Variants in SCRIB observed in about 807,000 individuals in gnomAD.
SCRIB encodes protein scribble homolog.
Under a neutral mutation model 170.0 loss-of-function variants are expected in SCRIB, and 72 were observed. The observed-to-expected ratio is 0.42, with a 90% CI of 0.35 to 0.52. SCRIB has a LOEUF of 0.52. Ranked by LOEUF, SCRIB falls within the 20% of genes least tolerant of loss-of-function variation. The pLI is 0.02. For missense variants in SCRIB, 2,475 were observed against 2,338.5 expected (o/e 1.06, Z -1.20); for synonymous variants, 1,298 against 1,044.3 (o/e 1.24, Z -4.68).
chr8:143,795,543 G>T lies in SCRIB; in HGVS notation c.3604-13C>A, dbSNP rs782297965. The T allele has an allele frequency of 1.2e-6, 2 of 1,603,034 alleles. No individual in the cohort carries two copies. The highest frequency in any genetic ancestry group is 1.1e-5 in the South Asian group (1 of 89,742). On this transcript the variant is annotated splice_polypyrimidine_tract_variant and intron_variant, in intron 24 of 36. Coordinates refer to ENST00000356994, the MANE Select transcript of SCRIB (RefSeq NM_182706.5). The stretch of plus-strand genomic sequence containing the variant: ...CACCTGGGGACACCTGAGAAGAGGG[G>T]TGTGGGCTAAGAAGGGGGGACTGCA...
chr8:143,803,685 G>T lies in SCRIB; in HGVS notation c.3376C>A (p.Pro1126Thr). The T allele has an allele frequency of 6.3e-7, 1 of 1,579,146 alleles. No homozygotes were observed. Residue 1126 changes from proline to threonine, a missense_variant, in exon 23 of 37, where the codon CCC becomes ACC. Coordinates refer to ENST00000356994, the MANE Select transcript of SCRIB (RefSeq NM_182706.5). Reference protein sequence around the residue: ...RGGARGHAGNPRDPTDEGIFI... With the variant: ...RGGARGHAGNTRDPTDEGIFI... The stretch of plus-strand genomic sequence containing the variant: ...ATGCCCTCGTCTGTGGGGTCGCGGG[G>T]GTTGCCAGCGTGGCCCCTGGCACCC...
chr8:143,797,740 C>T (rs1554634306), intron 24 of SCRIB, among the ~76,000 whole-genome samples: 1 of 152,228 alleles, frequency 6.6e-6, no homozygotes, highest in Non-Finnish European at 1.5e-5. Context: ...CCAGCAGAAG[C>T]GTCAAGGTCA....
At chr8:143,800,967 T>C (rs1455479926) in intron 24 of SCRIB, among the ~76,000 whole-genome samples, 1 of 1,600 alleles carries the variant, frequency 6.3e-4, no homozygotes, top group African/African-American at 1.7e-3. Context: ...AGAAAACACA[T>C]TGACAATAGA....
At position 143,812,203 on chromosome 8, in the gene SCRIB, G is replaced by A. The variant is rs558207698; in HGVS notation, c.906+63C>T. On this transcript the variant is annotated intron_variant, in intron 9 of 36. Coordinates refer to ENST00000356994, the MANE Select transcript of SCRIB (RefSeq NM_182706.5). ...CCCCCAGCAGCAGACACAGGCTGAT[G>A]CCCTGTCCTTGTTCTGCACCCCCGA... 164 of 1,062,434 alleles carry A rather than the reference G, an allele frequency of 1.5e-4. 3 individuals carry two copies. Among genetic ancestry groups the A allele is most frequent in the South Asian group, 1.5e-3 (118 of 80,224 alleles). The allele number at this position is 1,062,434 out of a possible 1,614,324, so 65.8% of individuals were successfully genotyped here.
chr8:143,793,002 G>A lies in SCRIB; in HGVS notation c.3991C>T (p.His1331Tyr), dbSNP rs1201683237. 2.6e-6 allele frequency: 4 copies of A among 1,515,548 alleles called. No homozygotes were observed. Among genetic ancestry groups the A allele is most frequent in the Middle Eastern group, 1.7e-4 (1 of 5,834 alleles). 93.9% of individuals were successfully genotyped at this position (1,515,548 alleles called of 1,614,324 possible). A position where few individuals can be genotyped will look rare whatever the true frequency, so the allele number is the denominator to read the frequency against. Residue 1331 changes from histidine to tyrosine, a missense_variant, in exon 29 of 37, where the codon CAC becomes TAC. Around this residue, in one of 3 missense-constraint regions of SCRIB, gnomAD observed 1,966 missense variants for 1,742.9 expected, o/e 1.13. Coordinates refer to ENST00000356994, the MANE Select transcript of SCRIB (RefSeq NM_182706.5). ...TGGGCAGGGGCATCCTCAGGCGGGT[G>A]AGAAGTGGGCACGGCCGCGAAGGCC... ...YRAFAAVPTS[H>Y]PPEDAPAQPP...
Position 143,805,349 on chromosome 8 carries a change from C to T in SCRIB, c.2433G>A (p.Val811=), listed in dbSNP as rs1009074850. The change falls in exon 19 of 37, where the codon GTG becomes GTA. Residue 811 remains valine, a synonymous_variant. Transcript: ENST00000356994. ...RGAGTAVQMR[V]WRERMVEPEN... ...CAGGCTCCACCATGCGCTCCCGCCA[C>T]ACTCGCATCTGCACGGCAGTGCCGG... is the stretch of plus-strand genomic sequence containing the variant. The T allele has an allele frequency of 1.3e-6, 2 of 1,551,828 alleles. No homozygotes were observed. The highest frequency in any genetic ancestry group is 1.2e-5 in the South Asian group (1 of 85,362).
rs782735344 is a variant in SCRIB at position 143,791,733 on chromosome 8, G to C, written c.4703C>G (p.Ser1568Cys). 1 of 1,598,256 alleles carries C rather than the reference G, an allele frequency of 6.3e-7. No homozygotes were observed. The highest frequency in any genetic ancestry group is 8.6e-7 in the Non-Finnish European group (1 of 1,168,550). Residue 1568 changes from serine to cysteine, a missense_variant, in exon 35 of 37, where the codon TCT becomes TGT. Coordinates refer to ENST00000356994, the MANE Select transcript of SCRIB (RefSeq NM_182706.5). ...GGCCCTGTAGTCAAACTTCTTTCCA[G>C]ACAAGGGCTTGAAAGGACAGCGTGA... ...TSTSPGRLPL[S>C]GKKFDYRAFA...
intron 6 of SCRIB, 99 bp downstream of exon 6, chr8:143,813,212 C>A: frequency 1.3e-6 from 2 of 1,589,190 alleles, no homozygotes; most frequent in Non-Finnish European, 1.7e-6. Context: ...CCTGCCCTCC[C>A]GAGGTGCCCC....
rs1310487478 is a variant in SCRIB, at chr8:143,812,970, G to A, written c.643-9C>T. ...CGCAGGTTCCCGAGCTCCTGCAGGT[G>A]GGCAGAGAGTCAGAGCGCGGATGGG... On this transcript the variant is annotated splice_polypyrimidine_tract_variant and intron_variant, in intron 7 of 36. Transcript: ENST00000356994. 3 of 1,612,606 alleles carry A rather than the reference G, an allele frequency of 1.9e-6. No individual in the cohort carries two copies. The highest frequency in any genetic ancestry group is 2.2e-5 in the South Asian group (2 of 91,016).
At chr8:143,801,974 T>C (rs1554635056) in intron 24 of SCRIB, among the ~76,000 whole-genome samples, 1 of 152,206 alleles carries the variant, frequency 6.6e-6, no homozygotes, top group Non-Finnish European at 1.5e-5. Flanking sequence ...GCTGCAGACA[T>C]GGCACTAGCC....
rs1820060303 is a variant in SCRIB at position 143,791,155 on chromosome 8, C to T, written c.*8G>A. On this transcript the variant is annotated 3_prime_UTR_variant, in exon 37 of 37. Coordinates refer to ENST00000356994, the MANE Select transcript of SCRIB (RefSeq NM_182706.5). The stretch of plus-strand genomic sequence containing the variant: ...CCCACCCCAAGTCTGGGGGAGGTGC[C>T]TGCTCCTCTAGGAGGGCACAGGGCC... 1 of 1,395,392 alleles carries T rather than the reference C, an allele frequency of 7.2e-7. No individual in the cohort carries two copies. Among genetic ancestry groups the T allele is most frequent in the African/African-American group, 1.5e-5 (1 of 67,292 alleles). The allele number at this position is 1,395,392 out of a possible 1,614,324, so 86.4% of individuals were successfully genotyped here. A position where few individuals can be genotyped will look rare whatever the true frequency, so the allele number is the denominator to read the frequency against.
At chr8:143,797,857 C>T (rs1307557000) in intron 24 of SCRIB, among the ~76,000 whole-genome samples, 1 of 152,264 alleles carries the variant, frequency 6.6e-6, no homozygotes, top group Non-Finnish European at 1.5e-5. Flanking sequence ...CGGAGCACGT[C>T]CCCGGCGCAG....
In SCRIB at chr8:143,805,155, A is replaced by G. The variant is rs948787417; in HGVS notation, c.2627T>C (p.Ile876Thr). 1 of 1,578,370 alleles carries G rather than the reference A, an allele frequency of 6.3e-7. No homozygotes were observed. The highest frequency in any genetic ancestry group is 1.2e-5 in the South Asian group (1 of 85,960). Residue 876 changes from isoleucine (I) to threonine (T), a missense_variant, in exon 19 of 37, where the codon ATT (isoleucine) becomes ACT (threonine). Ile to Thr is a moderately conservative substitution (Grantham distance 89). This residue lies in a region of SCRIB where 1,966 missense variants were observed against 1,742.9 expected (regional missense o/e 1.13). Transcript: ENST00000356994. ...GGGTGTGGAGCCTTTCCCACCAGCA[A>G]TGCTGAAGCCCAGCCCCCTCTCGCT... Reference protein sequence around the residue: ...ARSERGLGFSIAGGKGSTPYR... With the variant: ...ARSERGLGFSTAGGKGSTPYR...
At chr8:143,814,498 T>A (rs918471474) in intron 1 of SCRIB, among the ~76,000 whole-genome samples, 3 of 152,098 alleles carry the variant, frequency 2.0e-5, no homozygotes, top group African/African-American at 7.2e-5. Flanking sequence ...AAGCCTGGCC[T>A]GGTTCTGCAG....
chr8:143,813,252 C>T, intron 6 of SCRIB, 59 bp downstream of exon 6: 11 of 1,607,910 alleles, frequency 6.8e-6, no homozygotes, highest in Non-Finnish European at 7.7e-6. Context: ...CTGTCCCCTT[C>T]TTTGCCCTTG....
In SCRIB at chr8:143,792,405, C is replaced by G. The variant is rs1245694425; in HGVS notation, c.4329G>C (p.Arg1443Ser). The G allele has an allele frequency of 5.3e-6, 8 of 1,502,008 alleles. No individual in the cohort carries two copies. The highest frequency in any genetic ancestry group is 7.1e-6 in the Non-Finnish European group (8 of 1,129,160). The allele number at this position is 1,502,008 out of a possible 1,614,324, so 93.0% of individuals were successfully genotyped here. A position where few individuals can be genotyped will look rare whatever the true frequency, so the allele number is the denominator to read the frequency against. The change falls in exon 32 of 37, where the codon AGG (arginine) becomes AGC (serine). Residue 1443 changes from arginine (R) to serine (S), a missense_variant and splice_region_variant. By Grantham distance (110) the Arg-to-Ser change is moderately radical. Around this residue, in one of 3 missense-constraint regions of SCRIB, gnomAD observed 1,966 missense variants for 1,742.9 expected, o/e 1.13. Coordinates refer to ENST00000356994, the MANE Select transcript of SCRIB (RefSeq NM_182706.5). ...PPWASPSPTSRQSPASPPPLG... is the reference protein window; with the variant it reads ...PPWASPSPTSSQSPASPPPLG... ...GGGGTGGGGGGGACGCCGGGCTCTGCCTGGGGAAGGGACAGGACGTGCTGT... is the reference window on the plus strand; with the variant it reads ...GGGGTGGGGGGGACGCCGGGCTCTGGCTGGGGAAGGGACAGGACGTGCTGT...
At chr8:143,807,672 C>A in intron 15 of SCRIB, 58 bp from the exon 16 acceptor site, 2 of 1,320,152 alleles carry the variant, frequency 1.5e-6, no homozygotes, top group Non-Finnish European at 2.2e-6. Flanking sequence ...CCACCACCAC[C>A]GCCTCACCCA....
intron 24 of SCRIB, among the ~76,000 whole-genome samples, chr8:143,801,559 T>G (rs1323393754): frequency 6.6e-6 from 1 of 152,148 alleles, no homozygotes; most frequent in East Asian, 1.9e-4. Flanking sequence ...AAGGAAAAGA[T>G]AAGCAACCGC....
chr8:143,814,095 C>G lies in SCRIB; in HGVS notation c.183G>C (p.Leu61Phe). Residue 61 changes from leucine to phenylalanine, a missense_variant, in exon 2 of 37, where the codon TTG (leucine) becomes TTC (phenylalanine). Physicochemically the swap from Leu to Phe is conservative, Grantham distance 22. Around this residue, in one of 3 missense-constraint regions of SCRIB, gnomAD observed 487 missense variants for 558.1 expected, o/e 0.87. Coordinates refer to ENST00000356994, the MANE Select transcript of SCRIB (RefSeq NM_182706.5). ...LPKPFFRLLN[L>F]RKLGLSDNEI... ...CGTTGTCGCTCAGGCCCAGCTTGCG[C>G]AAGTTCAGCAGCCGGAAAAAAGGCT... 6.4e-7 allele frequency: 1 copy of G among 1,554,114 alleles called. No homozygotes were observed. The highest frequency in any genetic ancestry group is 8.7e-7 in the Non-Finnish European group (1 of 1,148,424).
Sources: allele counts gnomAD v4.1 joint callset (sites outside exome capture counted in the v4.1 genomes callset), GRCh38; gene constraint gnomAD v4.1.1; regional missense constraint gnomAD v4.1.1; transcripts MANE v1.5; gene names NCBI Gene and HGNC (gene_info 2026-07-23, HGNC 2026-07-21).